Variants in PDCD6IP observed in about 807,000 individuals in gnomAD.
The protein encoded by PDCD6IP is programmed cell death 6 interacting protein.
In PDCD6IP, 43 loss-of-function variants were observed where a neutral mutation model predicts 103.7. The observed-to-expected ratio is 0.41, with a 90% CI of 0.32 to 0.53. PDCD6IP has a LOEUF of 0.53. PDCD6IP is among the 20% of genes least tolerant of loss of function. The probability of loss-of-function intolerance (pLI) is 0.16; values close to 1 mark genes in which losing one functional copy is unlikely to be tolerated. For synonymous variants in PDCD6IP, 354 were observed against 378.7 expected (o/e 0.93, Z 0.76); for missense variants, 871 against 1,036.7 (o/e 0.84, Z 2.20).
At chr3:33,861,477 A>C (rs1203348395) in intron 15 of PDCD6IP, among the ~76,000 whole-genome samples, 3 of 152,136 alleles carry the variant, frequency 2.0e-5, no homozygotes, top group Non-Finnish European at 4.4e-5. Flanking sequence ...ATCTCAATTC[A>C]GAGTAGCCAC....
At chr3:33,818,153 G>A (rs1696900483) in intron 3 of PDCD6IP, among the ~76,000 whole-genome samples, 2 of 145,382 alleles carry the variant, frequency 1.4e-5, no homozygotes, top group Non-Finnish European at 3.0e-5. Flanking sequence ...GCCCAGGGTG[G>A]ATGGAGGGCA....
At chr3:33,853,172 C>T (rs576149858) in intron 13 of PDCD6IP, among the ~76,000 whole-genome samples, 4 of 152,278 alleles carry the variant, frequency 2.6e-5, no homozygotes, top group African/African-American at 7.2e-5. Context: ...ATCCTCCTGC[C>T]TTGGCCTCCC....
At chr3:33,859,065 C>T (rs1055115094) in intron 15 of PDCD6IP, among the ~76,000 whole-genome samples, 5 of 152,288 alleles carry the variant, frequency 3.3e-5, no homozygotes, top group African/African-American at 1.2e-4. Context: ...AATTAAAACA[C>T]AGTGGTACTG....
At chr3:33,843,610 A>C (rs754769317) in intron 10 of PDCD6IP, among the ~76,000 whole-genome samples, 3 of 152,224 alleles carry the variant, frequency 2.0e-5, no homozygotes, top group Non-Finnish European at 2.9e-5. Flanking sequence ...TGTTGGTGCT[A>C]GCACTGTGTC....
intron 1 of PDCD6IP, among the ~76,000 whole-genome samples, chr3:33,799,711 A>G (rs1271871320): frequency 2.6e-5 from 4 of 152,226 alleles, no homozygotes; most frequent in African/African-American, 9.6e-5. Context: ...TTTCTTTTGC[A>G]TACCTTGTTA....
intron 1 of PDCD6IP, among the ~76,000 whole-genome samples, chr3:33,809,284 C>G (rs1188268161): frequency 1.3e-5 from 2 of 152,106 alleles, no homozygotes; most frequent in African/African-American, 4.8e-5. Flanking sequence ...GCATAGTAAG[C>G]TCTTAGTATA....
intron 9 of PDCD6IP, among the ~76,000 whole-genome samples, chr3:33,838,673 T>C (rs926602177): frequency 5.3e-5 from 8 of 152,006 alleles, no homozygotes; most frequent in African/African-American, 1.4e-4. Context: ...AAATAATTCA[T>C]TGGTTTAAAA....
Position 33,839,461 on chromosome 3 carries a change from A to G in PDCD6IP, c.1181+1134A>G, listed in dbSNP as rs528787240. On this transcript the variant is annotated intron_variant, in intron 9 of 17. Transcript: ENST00000307296. Reference sequence around the variant, plus strand: ...CTGAGCAGTATTCCATTTTATGGTTATAGGGCAGTATTCCATTTTATGGTT... The same window carrying G: ...CTGAGCAGTATTCCATTTTATGGTTGTAGGGCAGTATTCCATTTTATGGTT... Among the ~76,000 whole-genome samples, 243 of 115,642 alleles carry G rather than the reference A, an allele frequency of 2.1e-3. 1 individual carries two copies. The highest frequency in any genetic ancestry group is 7.0e-3 in the African/African-American group (220 of 31,258). The allele number at this position is 115,642 out of a possible 152,430, so 75.9% of individuals were successfully genotyped here.
chr3:33,844,347 G>A, intron 11 of PDCD6IP, 124 bp downstream of exon 11: 4 of 500,916 alleles, frequency 8.0e-6, no homozygotes, highest in East Asian at 6.9e-5. Context: ...CTCAGTTTTA[G>A]TATAAAGATT....
intron 1 of PDCD6IP, among the ~76,000 whole-genome samples, chr3:33,805,086 G>A (rs1183427973): frequency 1.3e-5 from 2 of 152,176 alleles, no homozygotes; most frequent in South Asian, 2.1e-4. Flanking sequence ...GCCGGGTGTG[G>A]TGGCTCATGC....
chr3:33,830,067 C>T lies in PDCD6IP; in HGVS notation c.834+1098C>T, dbSNP rs919891966. The stretch of plus-strand genomic sequence containing the variant: ...ATCACCTCTTATTATGCCCCCACGT[C>T]CCAACACTTTGGGATTGGGAACACA... On this transcript the variant is annotated intron_variant, in intron 7 of 17. Transcript: ENST00000307296. 2.6e-5 allele frequency among the ~76,000 whole-genome samples: 4 copies of T among 152,146 alleles called. No individual in the cohort carries two copies. The East Asian group carries it at 7.7e-4, about 29-fold the overall frequency.
rs1697574068 is a variant in PDCD6IP, at chr3:33,845,545, C to T, written c.1598C>T (p.Ala533Val). The change falls in exon 12 of 18, where the codon GCC becomes GTC. Residue 533 changes from alanine to valine, a missense_variant. By Grantham distance (64) the Ala-to-Val change is moderately conservative. Coordinates refer to ENST00000307296, the MANE Select transcript of PDCD6IP (RefSeq NM_013374.6). Reference sequence around the variant, plus strand: ...AAGCCAGAGCCTGAGCTGAATGCTGCCATCCCTTCTGCTAATCCAGCAAAG... The same window carrying T: ...AAGCCAGAGCCTGAGCTGAATGCTGTCATCCCTTCTGCTAATCCAGCAAAG... ...LCKPEPELNA[A>V]IPSANPAKTM... 4 of 1,612,330 alleles carry T rather than the reference C, an allele frequency of 2.5e-6. No individual in the cohort carries two copies. In the African/African-American group the frequency reaches 5.3e-5, roughly 22 times the overall value.
chr3:33,864,014 A>C lies in PDCD6IP; in HGVS notation c.2129A>C (p.Gln710Pro). 6.2e-7 allele frequency: 1 copy of C among 1,612,538 alleles called. No homozygotes were observed. Residue 710 changes from glutamine (Q) to proline (P), a missense_variant, in exon 16 of 18, where the codon CAA becomes CCA. Coordinates refer to ENST00000307296, the MANE Select transcript of PDCD6IP (RefSeq NM_013374.6). ...TERDELLKDLQQSIAREPSAP... is the reference protein window; with the variant it reads ...TERDELLKDLPQSIAREPSAP... ...ACTCTGTCTTTGATAAGGGACTTGC[A>C]ACAAAGCATTGCCAGAGAACCTAGT... is the stretch of plus-strand genomic sequence containing the variant.
chr3:33,815,323 A>G (rs1451000515), intron 3 of PDCD6IP, among the ~76,000 whole-genome samples: 1 of 152,136 alleles, frequency 6.6e-6, no homozygotes, highest in South Asian at 2.1e-4. Context: ...TCCCTCTTAT[A>G]TAATAATAGT....
chr3:33,846,228 T>A (rs925087588), intron 12 of PDCD6IP, among the ~76,000 whole-genome samples: 1 of 152,222 alleles, frequency 6.6e-6, no homozygotes, highest in Admixed American at 6.5e-5. Context: ...CAAGAAATAC[T>A]GCTGAAAACT....
intron 1 of PDCD6IP, chr3:33,799,141 C>A (rs1225564325): frequency 3.3e-6 from 2 of 597,872 alleles, no homozygotes; most frequent in Non-Finnish European, 5.9e-6. Context: ...CTTGTCCTGC[C>A]TGCACGTCTG....
At chr3:33,800,119 C>CAAAAAAAAAAAAAAA (rs1173163869) in intron 1 of PDCD6IP, among the ~76,000 whole-genome samples, 12 of 50,870 alleles carry the variant, frequency 2.4e-4, no homozygotes, top group Non-Finnish European at 3.3e-4. Context: ...GACTCCATCT[C>CAAAAAAAAAAAAAAA]AAAAAAAAAA....
intron 1 of PDCD6IP, among the ~76,000 whole-genome samples, chr3:33,808,787 A>G (rs7649799): frequency 6.6e-6 from 1 of 151,848 alleles, no homozygotes; most frequent in Non-Finnish European, 1.5e-5. Flanking sequence ...GATGATTCAC[A>G]CTCTTACACT....
intron 3 of PDCD6IP, among the ~76,000 whole-genome samples, chr3:33,815,332 G>A (rs375468285): frequency 1.3e-5 from 2 of 152,030 alleles, no homozygotes; most frequent in African/African-American, 4.8e-5. Context: ...TATAATAATA[G>A]TGCATGTTTA....
Sources: gnomAD v4.1 joint callset for allele counts (sites outside exome capture counted in the v4.1 genomes callset) on GRCh38, gnomAD v4.1.1 for gene constraint, MANE v1.5 for transcripts, NCBI Gene and HGNC (gene_info 2026-07-23, HGNC 2026-07-21) for gene names.